The following SHOC1 variants were observed in gnomAD, a reference collection of about 807,000 sequenced individuals.
The protein encoded by SHOC1 is protein shortage in chiasmata 1 ortholog.
A neutral mutation model predicts 179.2 loss-of-function variants in SHOC1; 136 were observed. The observed-to-expected ratio is 0.76, with a 90% CI of 0.66 to 0.87. The LOEUF (loss-of-function observed/expected upper bound fraction) is 0.87, where lower values mean the gene tolerates loss of function less well. Among genes scored for constraint, SHOC1 ranks in the 40% least tolerant of loss-of-function variants. The pLI, the probability that SHOC1 is intolerant of heterozygous loss-of-function variation, is 0.00. For missense variants in SHOC1, 1,538 were observed against 1,700.8 expected (o/e 0.90, Z 1.68); for synonymous variants, 489 against 586.6 (o/e 0.83, Z 2.41).
chr9:111,708,060 T>A, intron 18 of SHOC1, 136 bp from the exon 19 acceptor site: 1 of 484,018 alleles, frequency 2.1e-6, no homozygotes, highest in South Asian at 4.3e-5. Flanking sequence ...TTTGCTAGAT[T>A]ATTTTTCTAA....
At chr9:111,772,773 G>A (rs1835670728) in intron 5 of SHOC1, among the ~76,000 whole-genome samples, 1 of 152,182 alleles carries the variant, frequency 6.6e-6, no homozygotes. Flanking sequence ...TTGTGATTTG[G>A]CTCCTTTGCC....
At chr9:111,771,008 C>T (rs1835586113) in intron 5 of SHOC1, among the ~76,000 whole-genome samples, 1 of 152,072 alleles carries the variant, frequency 6.6e-6, no homozygotes, top group African/African-American at 2.4e-5. Flanking sequence ...AGACCATTTA[C>T]ATTCAGTGTT....
chr9:111,690,950 A>G (rs1214939684), intron 27 of SHOC1, among the ~76,000 whole-genome samples: 1 of 152,206 alleles, frequency 6.6e-6, no homozygotes, highest in Non-Finnish European at 1.5e-5. Context: ...TTAGAACTTA[A>G]TATTTTGTTT....
intron 8 of SHOC1, among the ~76,000 whole-genome samples, chr9:111,750,948 AT>A (rs1369847759): frequency 6.6e-6 from 1 of 151,800 alleles, no homozygotes; most frequent in Non-Finnish European, 1.5e-5. Context: ...TATTGCCTAG[AT>A]TTTTTTCTAG....
intron 12 of SHOC1, among the ~76,000 whole-genome samples, chr9:111,733,167 AC>A (rs1833664486): frequency 6.6e-6 from 1 of 152,216 alleles, no homozygotes; most frequent in Admixed American, 6.5e-5. Flanking sequence ...TGGAAAAAAA[AC>A]AAATGCCTAT....
intron 18 of SHOC1, 132 bp from the exon 19 acceptor site, chr9:111,708,056 A>G (rs1832360682): frequency 2.0e-6 from 1 of 493,172 alleles, no homozygotes; most frequent in South Asian, 4.2e-5. Context: ...ACAATTTGCT[A>G]GATTATTTTT....
chr9:111,788,235 TA>T (rs11378313), intron 2 of SHOC1, among the ~76,000 whole-genome samples: 20 of 143,378 alleles, frequency 1.4e-4, no homozygotes, highest in South Asian at 2.2e-4. Flanking sequence ...AAAATGAGAA[TA>T]AAAAAAAAAA....
At chr9:111,757,676 C>T (rs965081297) in intron 7 of SHOC1, among the ~76,000 whole-genome samples, 57 of 152,236 alleles carry the variant, frequency 3.7e-4, no homozygotes, top group African/African-American at 1.3e-3. Flanking sequence ...GCAATATTCT[C>T]ATTAGCTCAA....
At chr9:111,793,693 T>TTTA (rs57818219) in intron 1 of SHOC1, among the ~76,000 whole-genome samples, 1 of 131,968 alleles carries the variant, frequency 7.6e-6, no homozygotes, top group Admixed American at 7.3e-5. Flanking sequence ...TTTTTTTTTT[T>TTTA]ACCTTTTTCT....
Position 111,783,125 on chromosome 9 carries a change from A to T in SHOC1, c.170-2108T>A, listed in dbSNP as rs181423391. 4.3e-3 allele frequency among the ~76,000 whole-genome samples: 649 copies of T among 152,280 alleles called. 15 individuals carry two copies. Among genetic ancestry groups the T allele is most frequent in the Admixed American group, 0.034 (525 of 15,298 alleles). ...CAGTCTCTCTCATCATGTATTTTTT[A>T]AAAATCACACATAAAAAACAAAAAA... On this transcript the variant is annotated intron_variant, in intron 3 of 27. Transcript: ENST00000682961.
At chr9:111,778,750 G>A (rs1347634840) in intron 4 of SHOC1, among the ~76,000 whole-genome samples, 2 of 133,056 alleles carry the variant, frequency 1.5e-5, no homozygotes, top group African/African-American at 5.6e-5. Flanking sequence ...TAGCCTAGGT[G>A]ACAGAGAGAG....
At chr9:111,697,969 G>T (rs1197746190) in intron 24 of SHOC1, among the ~76,000 whole-genome samples, 2 of 152,172 alleles carry the variant, frequency 1.3e-5, no homozygotes, top group African/African-American at 4.8e-5. Flanking sequence ...TCTTGTGTCT[G>T]TTGGATGCAT....
At chr9:111,774,185 A>G (rs1835736861) in intron 5 of SHOC1, among the ~76,000 whole-genome samples, 1 of 152,096 alleles carries the variant, frequency 6.6e-6, no homozygotes, top group Non-Finnish European at 1.5e-5. Context: ...ATACTTATAT[A>G]AACTTACATA....
chr9:111,759,333 T>A (rs1564154234), intron 5 of SHOC1: 2 of 1,542,870 alleles, frequency 1.3e-6, no homozygotes, highest in South Asian at 2.5e-5. Flanking sequence ...TGAGACTGAT[T>A]CTATTATTCT....
In SHOC1 at chr9:111,741,559, G is replaced by A. The variant is rs766021004; in HGVS notation, c.1091C>T (p.Thr364Ile). Residue 364 changes from threonine (T) to isoleucine (I), a missense_variant, in exon 11 of 28, where the codon ACT becomes ATT. Thr to Ile is a moderately conservative substitution (Grantham distance 89, BLOSUM62 -1). Coordinates refer to ENST00000682961, the MANE Select transcript of SHOC1 (RefSeq NM_001378211.1). ...LSPVCKINLL[T>I]AEESANEYYM... ...GTATTCATTAGCTGATTCTTCAGCA[G>A]TAAGCAAATTACTGAAAAAAAGAGT... 1.3e-6 allele frequency: 2 copies of A among 1,597,058 alleles called. No homozygotes were observed. Among genetic ancestry groups the A allele is most frequent in the South Asian group, 1.1e-5 (1 of 88,420 alleles).
chr9:111,747,211 A>G (rs1308516436), intron 9 of SHOC1, among the ~76,000 whole-genome samples: 2 of 152,200 alleles, frequency 1.3e-5, no homozygotes, highest in Non-Finnish European at 2.9e-5. Context: ...TCATAAATAA[A>G]GCAGTAAACT....
chr9:111,695,156 A>G (rs1831632414), intron 24 of SHOC1, among the ~76,000 whole-genome samples: 1 of 152,128 alleles, frequency 6.6e-6, no homozygotes, highest in Non-Finnish European at 1.5e-5. Flanking sequence ...TGATTGAAGG[A>G]AAGATAGTTC....
chr9:111,713,365 G>C (rs908105337), intron 17 of SHOC1, among the ~76,000 whole-genome samples, 193 bp from the exon 18 acceptor site: 1 of 152,158 alleles, frequency 6.6e-6, no homozygotes, highest in East Asian at 1.9e-4. Context: ...TCAAATATCA[G>C]TGAAGAAAAT....
chr9:111,724,106 A>G (rs564611640), intron 13 of SHOC1, among the ~76,000 whole-genome samples, 195 bp from the exon 14 acceptor site: 4 of 152,306 alleles, frequency 2.6e-5, no homozygotes, highest in African/African-American at 9.6e-5. Context: ...TAAAAATGGA[A>G]AAACCTTTGG....
Sources: allele counts gnomAD v4.1 joint callset (sites outside exome capture counted in the v4.1 genomes callset), GRCh38; gene constraint gnomAD v4.1.1; transcripts MANE v1.5; gene names NCBI Gene and HGNC (gene_info 2026-07-23, HGNC 2026-07-21).